Variants in RAB7A observed in about 807,000 individuals in gnomAD.
RAB7A encodes RAB7A, member RAS oncogene family.
RAB7A carries 2 observed loss-of-function variants against 24.5 expected under a neutral mutation model. The ratio of observed to expected loss-of-function variants is 0.08; its 90% CI spans 0.03 to 0.26. RAB7A has a LOEUF of 0.26. Among genes scored for constraint, RAB7A ranks in the 10% least tolerant of loss-of-function variants. RAB7A has a pLI of 1.00. For missense variants in RAB7A, 118 were observed against 255.7 expected (o/e 0.46, Z 3.67); for synonymous variants, 100 against 95.9 (o/e 1.04, Z -0.25).
At chr3:128,783,207 C>T (rs1222261300) in intron 1 of RAB7A, among the ~76,000 whole-genome samples, 1 of 121,504 alleles carries the variant, frequency 8.2e-6, no homozygotes, top group Admixed American at 8.7e-5. Flanking sequence ...TTATCCCCCG[C>T]CCCCCCGCCC....
intron 1 of RAB7A, among the ~76,000 whole-genome samples, chr3:128,784,543 T>G (rs567650371): frequency 6.6e-6 from 1 of 152,322 alleles, no homozygotes; most frequent in South Asian, 2.1e-4. Context: ...CTTAGAAATC[T>G]CCACAAGTCA....
intron 1 of RAB7A, among the ~76,000 whole-genome samples, chr3:128,760,146 C>T (rs1294734247): frequency 6.6e-6 from 1 of 152,114 alleles, no homozygotes; most frequent in Admixed American, 6.5e-5. Flanking sequence ...CCCTCCCCAG[C>T]GTGGGTGAGC....
chr3:128,773,410 G>A (rs1030548175), intron 1 of RAB7A, among the ~76,000 whole-genome samples: 1 of 151,234 alleles, frequency 6.6e-6, no homozygotes, highest in African/African-American at 2.4e-5. Flanking sequence ...CAGCCACCCC[G>A]TCCGGGAGGG....
Position 128,737,101 on chromosome 3 carries a change from G to T in RAB7A, c.-9+10742G>T, listed in dbSNP as rs569249153. 4.1e-5 allele frequency among the ~76,000 whole-genome samples: 6 copies of T among 145,004 alleles called. No homozygotes were observed. The South Asian group carries it at 1.3e-3, about 32-fold the overall frequency. On this transcript the variant is annotated intron_variant, in intron 1 of 5. Coordinates refer to ENST00000265062, the MANE Select transcript of RAB7A (RefSeq NM_004637.6). ...CACCCAGGCTGGAGTGCAGTGGCGC[G>T]ATCTTGGCTCACTGCAAGCTCCACC...
intron 1 of RAB7A, among the ~76,000 whole-genome samples, chr3:128,779,681 T>C (rs1299378761): frequency 6.6e-6 from 1 of 152,136 alleles, no homozygotes; most frequent in African/African-American, 2.4e-5. Context: ...AGCCTTGAAC[T>C]CCTAGGCTCA....
chr3:128,727,926 C>A (rs2070396727), intron 1 of RAB7A, among the ~76,000 whole-genome samples: 1 of 151,270 alleles, frequency 6.6e-6, no homozygotes, highest in Non-Finnish European at 1.5e-5. Context: ...TAAAGCTTAG[C>A]GTTCACAATC....
chr3:128,795,751 C>CTTTTTTTTTTTTTTTTTTTTTTT (rs71153147), intron 2 of RAB7A, among the ~76,000 whole-genome samples: 631 of 43,018 alleles, frequency 0.015, 284 homozygotes, highest in Non-Finnish European at 0.023. Flanking sequence ...AGCAGATGTG[C>CTTTTTTTTTTTTTTTTTTTTTTT]TTTTTTTTTT....
intron 1 of RAB7A, among the ~76,000 whole-genome samples, chr3:128,743,934 G>A (rs952844740): frequency 5.3e-5 from 8 of 151,532 alleles, no homozygotes; most frequent in African/African-American, 1.7e-4. Context: ...GTTTATAGGC[G>A]CCCACCACCA....
intron 1 of RAB7A, among the ~76,000 whole-genome samples, chr3:128,773,969 G>A (rs964397493): frequency 6.7e-6 from 1 of 149,938 alleles, no homozygotes; most frequent in African/African-American, 2.5e-5. Flanking sequence ...CCTCTGCCTA[G>A]GAAAACCGGA....
chr3:128,772,564 T>G (rs933152397), intron 1 of RAB7A, among the ~76,000 whole-genome samples: 1 of 152,258 alleles, frequency 6.6e-6, no homozygotes, highest in African/African-American at 2.4e-5. Context: ...ACACTTATTT[T>G]AAGCCTGATG....
chr3:128,798,926 C>T, intron 3 of RAB7A: 1 of 268,902 alleles, frequency 3.7e-6, no homozygotes, highest in Admixed American at 4.3e-5. Flanking sequence ...AGTACAACCT[C>T]ACTTTGAAAC....
intron 5 of RAB7A, 96 bp from the exon 6 acceptor site, chr3:128,813,231 C>T: frequency 2.6e-6 from 3 of 1,155,692 alleles, no homozygotes; most frequent in Non-Finnish European, 3.9e-6. Flanking sequence ...TCTGCCCAAG[C>T]AGAAGTGAGC....
Position 128,813,426 on chromosome 3 carries a change from G to A in RAB7A, c.*4G>A. The A allele has an allele frequency of 6.2e-7, 1 of 1,613,502 alleles. No individual in the cohort carries two copies. The highest frequency in any genetic ancestry group is 8.5e-7 in the Non-Finnish European group (1 of 1,179,542). ...GGCAGAAAGCTGCAGTTGCTGAGGG[G>A]GCAGTGAGAGTTGAGCACAGAGTCC... is the stretch of plus-strand genomic sequence containing the variant. On this transcript the variant is annotated 3_prime_UTR_variant, in exon 6 of 6. Coordinates refer to ENST00000265062, the MANE Select transcript of RAB7A (RefSeq NM_004637.6).
chr3:128,773,318 G>A (rs1476601194), intron 1 of RAB7A, among the ~76,000 whole-genome samples: 2 of 151,138 alleles, frequency 1.3e-5, no homozygotes, highest in African/African-American at 2.4e-5. Flanking sequence ...CCCTCCGCCC[G>A]GCAGCCGCCC....
At chr3:128,785,690 A>T (rs1250643798) in intron 1 of RAB7A, among the ~76,000 whole-genome samples, 4 of 150,506 alleles carry the variant, frequency 2.7e-5, no homozygotes, top group African/African-American at 9.8e-5. Context: ...GGGAAGTTGC[A>T]GTGAACAGAG....
intron 5 of RAB7A, 79 bp downstream of exon 5, chr3:128,807,750 A>T (rs548624658): frequency 4.4e-6 from 7 of 1,595,580 alleles, no homozygotes; most frequent in South Asian, 3.3e-5. Flanking sequence ...TCCTGCCCTT[A>T]ATCTTCTTCC....
At chr3:128,744,350 T>G (rs1258058203) in intron 1 of RAB7A, among the ~76,000 whole-genome samples, 3 of 152,188 alleles carry the variant, frequency 2.0e-5, no homozygotes, top group Non-Finnish European at 2.9e-5. Flanking sequence ...CACCAATAGA[T>G]TTGGGCAGAC....
chr3:128,806,655 A>G, intron 4 of RAB7A, 65 bp downstream of exon 4: 1 of 1,471,652 alleles, frequency 6.8e-7, no homozygotes, highest in South Asian at 1.2e-5. Context: ...GTGAATTTGG[A>G]GGGTTCTCTG....
At chr3:128,809,934 G>GTTTTTTTTTTTTT (rs1231077081) in intron 5 of RAB7A, among the ~76,000 whole-genome samples, 6 of 47,578 alleles carry the variant, frequency 1.3e-4, no homozygotes, top group South Asian at 8.1e-4. Flanking sequence ...TCTTGCCACA[G>GTTTTTTTTTTTTT]TCTTTTTTTT....
Sources: gnomAD v4.1 joint callset for allele counts (sites outside exome capture counted in the v4.1 genomes callset) on GRCh38, gnomAD v4.1.1 for gene constraint, MANE v1.5 for transcripts, NCBI Gene and HGNC (gene_info 2026-07-23, HGNC 2026-07-21) for gene names.